The following MEP1A variants were observed in gnomAD, a reference collection of about 807,000 sequenced individuals.
The protein encoded by MEP1A is N-benzoyl-L-tyrosyl-P-amino-benzoic acid hydrolase subunit alpha.
In MEP1A, 68 loss-of-function variants were observed where a neutral mutation model predicts 84.5. The observed-to-expected ratio is 0.80, with a 90% CI of 0.66 to 0.98. The LOEUF (loss-of-function observed/expected upper bound fraction) is 0.98, where lower values mean the gene tolerates loss of function less well. Ranked by LOEUF, MEP1A falls within the 50% of genes least tolerant of loss-of-function variation. The pLI is 0.00. For missense variants in MEP1A, 887 were observed against 919.9 expected (o/e 0.96, Z 0.46); for synonymous variants, 337 against 336.8 (o/e 1.00, Z -0.01).
intron 10 of MEP1A, among the ~76,000 whole-genome samples, chr6:46,830,794 T>C (rs1179693186): frequency 6.6e-6 from 1 of 152,160 alleles, no homozygotes; most frequent in Non-Finnish European, 1.5e-5. Flanking sequence ...ACTCTACAAA[T>C]CACAGTTTTG....
intron 6 of MEP1A, among the ~76,000 whole-genome samples, chr6:46,810,899 C>T (rs1011037720): frequency 2.0e-5 from 3 of 151,928 alleles, no homozygotes; most frequent in East Asian, 3.9e-4. Context: ...AGTTGGGTAA[C>T]GTGATGACTC....
intron 5 of MEP1A, among the ~76,000 whole-genome samples, chr6:46,805,904 G>A (rs1248978362): frequency 6.6e-6 from 1 of 151,874 alleles, no homozygotes; most frequent in African/African-American, 2.4e-5. Context: ...ACATATCTTA[G>A]ACTGGGTGAT....
Position 46,825,463 on chromosome 6 carries a change from T to G in MEP1A, c.748T>G (p.Leu250Val). 1.2e-6 allele frequency: 2 copies of G among 1,613,458 alleles called. No individual in the cohort carries two copies. Among genetic ancestry groups the G allele is most frequent in the Non-Finnish European group, 1.7e-6 (2 of 1,179,568 alleles). The change falls in exon 8 of 14, where the codon TTA becomes GTA. Residue 250 changes from leucine to valine, a missense_variant. By Grantham distance (32) the Leu-to-Val change is conservative. Transcript: ENST00000230588. ...GCGCCTGGATTTCAGTGCCATTGAT[T>G]TAGAGAGGCTGAACCGAATGTACAA... is the stretch of plus-strand genomic sequence containing the variant. ...GQRLDFSAID[L>V]ERLNRMYNCT... is the part of the protein sequence containing the mutation.
chr6:46,815,055 A>G (rs545126337), intron 6 of MEP1A, among the ~76,000 whole-genome samples: 2 of 152,356 alleles, frequency 1.3e-5, no homozygotes, highest in Non-Finnish European at 2.9e-5. Flanking sequence ...TCAAGAGTGC[A>G]TCAGCTACGG....
At chr6:46,819,151 A>G (rs1767707999) in intron 6 of MEP1A, among the ~76,000 whole-genome samples, 2 of 152,182 alleles carry the variant, frequency 1.3e-5, no homozygotes, top group South Asian at 4.1e-4. Context: ...GCTTTCCCTC[A>G]GACAACAATT....
At position 46,793,577 on chromosome 6, in the gene MEP1A, GT is replaced by G; in HGVS notation, c.94+2del. On this transcript the variant is annotated splice_donor_variant, in intron 2 of 13. Transcript: ENST00000230588. LOFTEE classifies it high-confidence loss of function. Reference sequence around the variant, plus strand: ...ATTAAGTATCTTCCTGAAGAAAATGGTAAGAATTAGTTCAAATGCACAGAGA... The same window carrying G: ...ATTAAGTATCTTCCTGAAGAAAATGGAAGAATTAGTTCAAATGCACAGAGA... 1.3e-6 allele frequency: 2 copies of G among 1,548,580 alleles called. No individual in the cohort carries two copies. Among genetic ancestry groups the G allele is most frequent in the African/African-American group, 2.8e-5 (2 of 72,536 alleles).
Position 46,831,320 on chromosome 6 carries a change from A to G in MEP1A, c.1144+1749A>G, listed in dbSNP as rs577139146. On this transcript the variant is annotated intron_variant, in intron 10 of 13. Coordinates refer to ENST00000230588, the MANE Select transcript of MEP1A (RefSeq NM_005588.3). The stretch of plus-strand genomic sequence containing the variant: ...AAAATGTCTCCATATGCATATCTGT[A>G]TATAATATATGTTACATACATAATG... Among the ~76,000 whole-genome samples, 24 of 152,326 alleles carry G rather than the reference A, an allele frequency of 1.6e-4. No homozygotes were observed. In the East Asian group the frequency reaches 4.0e-3, roughly 26 times the overall value.
intron 6 of MEP1A, among the ~76,000 whole-genome samples, chr6:46,811,735 G>A (rs1445293124): frequency 6.6e-6 from 1 of 152,010 alleles, no homozygotes; most frequent in Non-Finnish European, 1.5e-5. Flanking sequence ...ATGATTATGT[G>A]AATTTTGTTT....
chr6:46,808,133 A>C (rs112095998), intron 5 of MEP1A, among the ~76,000 whole-genome samples: 7 of 151,644 alleles, frequency 4.6e-5, no homozygotes, highest in African/African-American at 1.7e-4. Flanking sequence ...GCTTGCTTTC[A>C]GTATAATCAC....
rs1366278008 is a variant in MEP1A, at chr6:46,835,264, G to A, written c.1799G>A (p.Ser600Asn). 3 of 1,598,322 alleles carry A rather than the reference G, an allele frequency of 1.9e-6. No individual in the cohort carries two copies. In the East Asian group the frequency reaches 6.7e-5, roughly 36 times the overall value. ...TTTCCTGAAGATATCACCCACCTCA[G>A]CCAGACTGAAGTTCCCACTAAAGGC... is the stretch of plus-strand genomic sequence containing the variant. ...FVDFEDITHL[S>N]QTEVPTKGKR... The change falls in exon 13 of 14, where the codon AGC becomes AAC. Residue 600 changes from serine to asparagine, a missense_variant. Transcript: ENST00000230588.
chr6:46,812,551 G>A (rs748798500), intron 6 of MEP1A, among the ~76,000 whole-genome samples: 2 of 151,868 alleles, frequency 1.3e-5, no homozygotes, highest in African/African-American at 2.4e-5. Flanking sequence ...TCTGTGTGGT[G>A]TAACCTTAGA....
In MEP1A at chr6:46,826,358, A is replaced by C; in HGVS notation, c.783A>C (p.Thr261=). 1 of 1,590,004 alleles carries C rather than the reference A, an allele frequency of 6.3e-7. No homozygotes were observed. Among genetic ancestry groups the C allele is most frequent in the Middle Eastern group, 1.7e-4 (1 of 5,994 alleles). ...ERLNRMYNCT[T]THTLLDHCTF... ...TGATAAAAATATAATTTGCAGCCAC[A>C]ACTCACACTCTTTTGGACCACTGTA... The change falls in exon 9 of 14, where the codon ACA becomes ACC. Residue 261 remains threonine (T), a synonymous_variant. Coordinates refer to ENST00000230588, the MANE Select transcript of MEP1A (RefSeq NM_005588.3).
chr6:46,796,097 G>A (rs1352827766), intron 3 of MEP1A, among the ~76,000 whole-genome samples: 1 of 152,068 alleles, frequency 6.6e-6, no homozygotes, highest in Non-Finnish European at 1.5e-5. Context: ...AGTGATTTTC[G>A]ATGTGTTGTC....
chr6:46,809,633 T>C, intron 6 of MEP1A, 96 bp downstream of exon 6: 1 of 747,390 alleles, frequency 1.3e-6, no homozygotes, highest in Non-Finnish European at 2.3e-6. Flanking sequence ...TATCATTCTT[T>C]TGTCTTTGCG....
chr6:46,837,161 C>T (rs1768233456), intron 13 of MEP1A, among the ~76,000 whole-genome samples: 1 of 152,126 alleles, frequency 6.6e-6, no homozygotes. Flanking sequence ...TTCCTATATC[C>T]TTCACATTCA....
intron 6 of MEP1A, among the ~76,000 whole-genome samples, chr6:46,816,172 A>G (rs773437811): frequency 2.0e-5 from 3 of 152,078 alleles, no homozygotes; most frequent in Non-Finnish European, 4.4e-5. Context: ...TCCTGACCTC[A>G]GGTAATCGGC....
chr6:46,812,439 T>C (rs1767527298), intron 6 of MEP1A, among the ~76,000 whole-genome samples: 1 of 152,068 alleles, frequency 6.6e-6, no homozygotes, highest in Admixed American at 6.6e-5. Flanking sequence ...GTTTCATTTG[T>C]CTTTTGTATT....
intron 5 of MEP1A, among the ~76,000 whole-genome samples, chr6:46,808,553 G>A (rs894261976): frequency 9.9e-5 from 15 of 152,034 alleles, no homozygotes; most frequent in Admixed American, 9.2e-4. Flanking sequence ...ATGAGTTGAT[G>A]GGAGGGTAAA....
intron 10 of MEP1A, among the ~76,000 whole-genome samples, chr6:46,831,652 C>T (rs1768078003): frequency 6.6e-6 from 1 of 152,158 alleles, no homozygotes; most frequent in Non-Finnish European, 1.5e-5. Flanking sequence ...ATTTTGACAT[C>T]CTATATTAAG....
Sources: allele counts gnomAD v4.1 joint callset (sites outside exome capture counted in the v4.1 genomes callset), GRCh38; gene constraint gnomAD v4.1.1; transcripts MANE v1.5; gene names NCBI Gene and HGNC (gene_info 2026-07-23, HGNC 2026-07-21).